GRIP1: variants seen among roughly 807,000 people sequenced by gnomAD.
GRIP1 encodes glutamate receptor-interacting protein 1.
GRIP1 carries 45 observed loss-of-function variants against 129.9 expected under a neutral mutation model. The observed-to-expected ratio is 0.35, with a 90% CI of 0.27 to 0.44. The LOEUF (loss-of-function observed/expected upper bound fraction) is 0.44. Ranked by LOEUF, GRIP1 falls within the 20% of genes least tolerant of loss-of-function variation. The pLI is 1.00. For synonymous variants in GRIP1, 530 were observed against 520.8 expected, an observed-to-expected ratio of 1.02 and a Z score of -0.24; for missense variants, 1,196 against 1,396.8, an observed-to-expected ratio of 0.86 and a Z score of 2.29.
chr12:66,978,352 C>T (rs1254278558), intron 1 of GRIP1, among the ~76,000 whole-genome samples: 1 of 152,220 alleles, frequency 6.6e-6, no homozygotes, highest in African/African-American at 2.4e-5. Context: ...AAAAGCACTT[C>T]TACAGAGATC....
At chr12:66,470,080 C>A (rs1565773885) in intron 7 of GRIP1, among the ~76,000 whole-genome samples, 1 of 152,140 alleles carries the variant, frequency 6.6e-6, no homozygotes, top group African/African-American at 2.4e-5. Context: ...ACCACCTTAG[C>A]CCAACTTACC....
At chr12:66,636,873 C>A (rs571338815) in intron 1 of GRIP1, among the ~76,000 whole-genome samples, 6 of 152,110 alleles carry the variant, frequency 3.9e-5, no homozygotes, top group Admixed American at 2.6e-4. Flanking sequence ...CTCAGACTTT[C>A]CAGCCTCCAG....
chr12:66,588,074 C>CTCGT (rs1222123372), intron 2 of GRIP1, among the ~76,000 whole-genome samples: 6 of 151,318 alleles, frequency 4.0e-5, no homozygotes, highest in Non-Finnish European at 7.4e-5. Context: ...AACACAGTGA[C>CTCGT]TCGTTTCATT....
At chr12:66,993,468 G>GA (rs938817336) in intron 1 of GRIP1, among the ~76,000 whole-genome samples, 151 of 147,238 alleles carry the variant, frequency 1.0e-3, no homozygotes, top group African/African-American at 3.2e-3. Flanking sequence ...CATTGACCAA[G>GA]AAAAAAAAAA....
At chr12:66,423,389 G>A (rs1284774274) in intron 14 of GRIP1, among the ~76,000 whole-genome samples, 1 of 152,208 alleles carries the variant, frequency 6.6e-6, no homozygotes, top group Non-Finnish European at 1.5e-5. Flanking sequence ...TTTAACAACA[G>A]TGGACTGTTT....
intron 2 of GRIP1, among the ~76,000 whole-genome samples, chr12:66,578,232 G>GTTTTCT (rs1555210365): frequency 9.8e-6 from 1 of 102,514 alleles, no homozygotes; most frequent in Non-Finnish European, 1.9e-5. Flanking sequence ...CAAAACCGCG[G>GTTTTCT]TTTTTTTTTT....
chr12:66,767,920 A>C (rs1377500476), intron 1 of GRIP1, among the ~76,000 whole-genome samples: 1 of 152,204 alleles, frequency 6.6e-6, no homozygotes, highest in East Asian at 1.9e-4. Flanking sequence ...TTGTTAAAAC[A>C]ACCACAGTCC....
chr12:66,362,044 T>G (rs549557865), intron 23 of GRIP1, among the ~76,000 whole-genome samples: 11 of 151,816 alleles, frequency 7.2e-5, no homozygotes, highest in African/African-American at 2.7e-4. Context: ...TGCCGATGCC[T>G]GATATTACGA....
At chr12:66,499,311 A>G (rs959893012) in intron 7 of GRIP1, among the ~76,000 whole-genome samples, 4 of 152,198 alleles carry the variant, frequency 2.6e-5, no homozygotes, top group Non-Finnish European at 5.9e-5. Flanking sequence ...CTTACCTTAA[A>G]TAGGTTATCA....
At chr12:66,750,887 G>C in intron 1 of GRIP1, among the ~76,000 whole-genome samples, 1 of 152,126 alleles carries the variant, frequency 6.6e-6, no homozygotes, top group East Asian at 1.9e-4. Context: ...ATTTACATGT[G>C]ATCATTAAAA....
intron 1 of GRIP1, among the ~76,000 whole-genome samples, chr12:66,678,030 T>C (rs150347548): frequency 6.6e-6 from 1 of 152,096 alleles, no homozygotes; most frequent in African/African-American, 2.4e-5. Context: ...GAAGGTTCTA[T>C]CTAAAGGAAA....
rs34152410 is a variant in GRIP1 at position 66,881,291 on chromosome 12, T to C, written c.58+187759A>G. Among the ~76,000 whole-genome samples, 643 of 152,250 alleles carry C rather than the reference T, an allele frequency of 4.2e-3. 4 individuals carry two copies. The highest frequency in any genetic ancestry group is 0.015 in the African/African-American group (624 of 41,540). On this transcript the variant is annotated intron_variant, in intron 1 of 1. Coordinates refer to the GRIP1 transcript ENST00000643019. ...AATACCAGAGGTCAGTTTTAAGCCT[T>C]AGTTTGTAAAGATGCGATGTGAGGT...
intron 7 of GRIP1, among the ~76,000 whole-genome samples, chr12:66,493,979 C>A (rs1414708211): frequency 6.6e-6 from 1 of 152,010 alleles, no homozygotes; most frequent in Non-Finnish European, 1.5e-5. Flanking sequence ...TGTAAAGATG[C>A]CTCTGGGTAT....
At chr12:66,784,525 C>A (rs1159698258) in intron 1 of GRIP1, among the ~76,000 whole-genome samples, 12 of 152,128 alleles carry the variant, frequency 7.9e-5, no homozygotes, top group African/African-American at 2.9e-4. Context: ...TCATTTTAAT[C>A]CAATGTCCAT....
chr12:67,054,086 A>G (rs2043392192), intron 1 of GRIP1, among the ~76,000 whole-genome samples: 1 of 152,228 alleles, frequency 6.6e-6, no homozygotes, highest in African/African-American at 2.4e-5. Context: ...CTTCATCCAC[A>G]ATGGGAAGAC....
In GRIP1 at chr12:66,715,475, A is replaced by C. The variant is rs140237197; in HGVS notation, c.-419-85139T>G. On this transcript the variant is annotated intron_variant, in intron 1 of 4. Transcript: ENST00000538373. ...TGATGTGTGTGTGTGTGTGTGTGAG[A>C]GAGAGAGAGAGAGAGAGAGAGAGAG... 3.1e-5 allele frequency among the ~76,000 whole-genome samples: 3 copies of C among 95,720 alleles called. No individual in the cohort carries two copies. In the East Asian group the frequency reaches 1.1e-3, roughly 34 times the overall value. The allele number at this position is 95,720 out of a possible 152,430, so 62.8% of individuals were successfully genotyped here.
At chr12:66,688,947 C>T (rs1362052675) in intron 1 of GRIP1, among the ~76,000 whole-genome samples, 2 of 152,146 alleles carry the variant, frequency 1.3e-5, no homozygotes, top group African/African-American at 2.4e-5. Context: ...TCTCATCAGG[C>T]ACCTTCTTAA....
intron 2 of GRIP1, among the ~76,000 whole-genome samples, chr12:66,574,298 G>A (rs1043942047): frequency 2.1e-4 from 32 of 152,208 alleles, no homozygotes; most frequent in African/African-American, 6.5e-4. Context: ...AAACAAATGC[G>A]TTTTAGTGTA....
chr12:67,060,276 G>GA (rs2043509818), intron 1 of GRIP1, among the ~76,000 whole-genome samples: 1 of 152,296 alleles, frequency 6.6e-6, no homozygotes, highest in African/African-American at 2.4e-5. Context: ...AGTTTGACTA[G>GA]AAAAAAGTGG....
Sources: allele counts gnomAD v4.1 joint callset (sites outside exome capture counted in the v4.1 genomes callset), GRCh38; gene constraint gnomAD v4.1.1; transcripts MANE v1.5; gene names NCBI Gene and HGNC (gene_info 2026-07-23, HGNC 2026-07-21).